The following AKT3 variants were observed in gnomAD, a reference collection of about 807,000 sequenced individuals.
AKT3 encodes the protein RAC-gamma serine/threonine-protein kinase.
Under a neutral mutation model 65.3 loss-of-function variants are expected in AKT3, and 15 were observed. That is an observed-to-expected ratio of 0.23 (90% CI 0.15 to 0.35). The LOEUF (loss-of-function observed/expected upper bound fraction) is 0.35. Ranked by LOEUF, AKT3 falls within the 10% of genes least tolerant of loss-of-function variation. The pLI is 1.00. For synonymous variants in AKT3, 206 were observed against 183.8 expected (o/e 1.12, Z -0.98); for missense variants, 243 against 576.5 (o/e 0.42, Z 5.92).
chr1:243,698,908 T>C (rs1685234162), intron 2 of AKT3, among the ~76,000 whole-genome samples: 2 of 144,076 alleles, frequency 1.4e-5, no homozygotes, highest in South Asian at 4.3e-4. Flanking sequence ...TTACAGAGGC[T>C]GGACCAAAAA....
rs1669354345 is a variant in AKT3, at chr1:243,502,123, T to C, written c.*3126A>G. On this transcript the variant is annotated 3_prime_UTR_variant, in exon 14 of 14. Transcript: ENST00000673466. ...GAGGTTTTCTTTTTATTTAAATAAA[T>C]ACTTTACATTTCATGCTTGCCTGTA... is the stretch of plus-strand genomic sequence containing the variant. 1 of 232,060 alleles carries C rather than the reference T, an allele frequency of 4.3e-6. No homozygotes were observed. Among genetic ancestry groups the C allele is most frequent in the East Asian group, 6.1e-5 (1 of 16,314 alleles). The allele number at this position is 232,060 out of a possible 1,614,324, so 14.4% of individuals were successfully genotyped here. A position where few individuals can be genotyped will look rare whatever the true frequency, so the allele number is the denominator to read the frequency against.
At position 243,527,903 on chromosome 1, in the gene AKT3, A is replaced by AT. The variant is rs879638114; in HGVS notation, c.1252-15478_1252-15477insA. ...CACACACACACACACACACACACACACACACACACACACACACACACACAC... is the reference window on the plus strand; with the variant it reads ...CACACACACACACACACACACACACATCACACACACACACACACACACACAC... On this transcript the variant is annotated intron_variant, in intron 12 of 13. Transcript: ENST00000673466. Among the ~76,000 whole-genome samples, 670 of 122,434 alleles carry AT rather than the reference A, an allele frequency of 5.5e-3. 17 individuals carry two copies. Among genetic ancestry groups the AT allele is most frequent in the African/African-American group, 0.021 (628 of 29,782 alleles). 80.3% of individuals were successfully genotyped at this position (122,434 alleles called of 152,430 possible). A position where few individuals can be genotyped will look rare whatever the true frequency, so the allele number is the denominator to read the frequency against.
intron 2 of AKT3, among the ~76,000 whole-genome samples, chr1:243,702,678 A>C (rs893927753): frequency 6.6e-6 from 1 of 152,292 alleles, no homozygotes; most frequent in Non-Finnish European, 1.5e-5. Context: ...GGCAACGATG[A>C]ATTTTTTAAG....
chr1:243,589,228 C>T (rs1403398279), intron 8 of AKT3, among the ~76,000 whole-genome samples: 2 of 149,808 alleles, frequency 1.3e-5, no homozygotes, highest in South Asian at 2.1e-4. Flanking sequence ...ATCGCTTGAA[C>T]CCGGGAGGCA....
intron 13 of AKT3, among the ~76,000 whole-genome samples, chr1:243,490,233 G>A (rs979308609): frequency 6.6e-6 from 1 of 152,218 alleles, no homozygotes; most frequent in Non-Finnish European, 1.5e-5. Context: ...GACAGTAAAT[G>A]AGCACACCCA....
intron 4 of AKT3, among the ~76,000 whole-genome samples, chr1:243,656,730 G>A (rs1293098073): frequency 6.6e-6 from 1 of 152,162 alleles, no homozygotes; most frequent in Non-Finnish European, 1.5e-5. Flanking sequence ...AACATGTTGG[G>A]GGCGAGGCAT....
intron 2 of AKT3, among the ~76,000 whole-genome samples, chr1:243,789,981 T>G (rs1691511869): frequency 6.6e-6 from 1 of 152,200 alleles, no homozygotes; most frequent in African/African-American, 2.4e-5. Context: ...AACCATGCTA[T>G]GAACAGATGT....
At chr1:243,830,551 T>C (rs1193914066) in intron 2 of AKT3, among the ~76,000 whole-genome samples, 1 of 152,108 alleles carries the variant, frequency 6.6e-6, no homozygotes, top group Non-Finnish European at 1.5e-5. Context: ...TTTATATTGC[T>C]CAGGAGGGCA....
At chr1:243,804,760 C>T (rs188895139) in intron 2 of AKT3, among the ~76,000 whole-genome samples, 193 of 151,604 alleles carry the variant, frequency 1.3e-3, no homozygotes, top group African/African-American at 4.4e-3. Flanking sequence ...GGCAGGAGAA[C>T]GGCGTGAACC....
At chr1:243,742,105 A>G (rs1688195783) in intron 2 of AKT3, among the ~76,000 whole-genome samples, 1 of 151,460 alleles carries the variant, frequency 6.6e-6, no homozygotes, top group Non-Finnish European at 1.5e-5. Flanking sequence ...AGAACAATAT[A>G]TGCAAATGTT....
chr1:243,582,658 T>C (rs986560543), intron 8 of AKT3, among the ~76,000 whole-genome samples: 1 of 152,126 alleles, frequency 6.6e-6, no homozygotes, highest in Non-Finnish European at 1.5e-5. Context: ...AAAATGCATG[T>C]AAGTACATAG....
At chr1:243,808,279 T>C (rs1692885020) in intron 2 of AKT3, 2 of 151,898 alleles carry the variant, frequency 1.3e-5, no homozygotes, top group South Asian at 4.2e-4. Context: ...TTAAAAACCT[T>C]GAAAAAAGAT....
intron 9 of AKT3, among the ~76,000 whole-genome samples, chr1:243,568,558 A>G (rs796466877): frequency 1.4e-4 from 21 of 152,290 alleles, no homozygotes; most frequent in African/African-American, 5.1e-4. Context: ...TTCAGTGTGT[A>G]TATGAAGAAA....
chr1:243,608,192 CA>C (rs771140933), intron 8 of AKT3, among the ~76,000 whole-genome samples: 14 of 152,302 alleles, frequency 9.2e-5, no homozygotes, highest in Middle Eastern at 6.8e-3. Flanking sequence ...TCCTAGGCTA[CA>C]AACCTGTGCA....
intron 3 of AKT3, among the ~76,000 whole-genome samples, chr1:243,681,341 A>ATAAT: frequency 6.6e-6 from 1 of 152,268 alleles, no homozygotes; most frequent in Non-Finnish European, 1.5e-5. Flanking sequence ...ATTTCAAGAA[A>ATAAT]TAATTATCTG....
At chr1:243,576,432 G>A (rs924572302) in intron 8 of AKT3, among the ~76,000 whole-genome samples, 16 of 152,160 alleles carry the variant, frequency 1.1e-4, no homozygotes, top group African/African-American at 3.6e-4. Context: ...AATAGGAAGA[G>A]AGGAAGTAAA....
chr1:243,644,218 T>C (rs189685443), intron 5 of AKT3, among the ~76,000 whole-genome samples: 3 of 152,370 alleles, frequency 2.0e-5, no homozygotes, highest in Admixed American at 2.0e-4. Flanking sequence ...AACAAAATTA[T>C]GCAGATATTC....
At chr1:243,509,599 T>C (rs555801467) in intron 13 of AKT3, among the ~76,000 whole-genome samples, 1 of 152,252 alleles carries the variant, frequency 6.6e-6, no homozygotes, top group Admixed American at 6.5e-5. Flanking sequence ...AGCATCGCAT[T>C]AGTCAGCCCT....
chr1:243,724,398 A>G (rs1201842919), intron 2 of AKT3, among the ~76,000 whole-genome samples: 5 of 152,208 alleles, frequency 3.3e-5, no homozygotes, highest in Non-Finnish European at 7.3e-5. Context: ...CTATTAGGTG[A>G]GCAAATCAGT....
Sources: allele counts gnomAD v4.1 joint callset (sites outside exome capture counted in the v4.1 genomes callset), GRCh38; gene constraint gnomAD v4.1.1; transcripts MANE v1.5; gene names NCBI Gene and HGNC (gene_info 2026-07-23, HGNC 2026-07-21).